CFAP44: variants seen among roughly 807,000 people sequenced by gnomAD.
CFAP44 encodes the protein cilia- and flagella-associated protein 44.
In CFAP44, 134 loss-of-function variants were observed where a neutral mutation model predicts 216.2. That is an observed-to-expected ratio of 0.62 (90% CI 0.54 to 0.72). CFAP44 has a LOEUF of 0.72. Ranked by LOEUF, CFAP44 falls within the 30% of genes least tolerant of loss-of-function variation. The pLI, the probability that CFAP44 is intolerant of heterozygous loss-of-function variation, is 0.00. For missense variants in CFAP44, 2,035 were observed against 2,182.1 expected (o/e 0.93, Z 1.34); for synonymous variants, 700 against 727.6 (o/e 0.96, Z 0.61).
rs1934113125 is a variant in CFAP44, at chr3:113,400,560, T to C, written c.1459A>G (p.Thr487Ala). ...TCCTACTTACAGTCCAAGGCAGTTG[T>C]GGCCATGAGATAAGTGAGAGGAGAA... ...AVSPLTYLMATTALDCSVRIY... is the reference protein window; with the variant it reads ...AVSPLTYLMAATALDCSVRIY... The change falls in exon 12 of 35, where the codon ACA (threonine) becomes GCA (alanine). Residue 487 changes from threonine (T) to alanine (A), a missense_variant. Thr to Ala is a moderately conservative substitution (Grantham distance 58). Around this residue, in one of 3 missense-constraint regions of CFAP44, gnomAD observed 1,883 missense variants for 2,023.7 expected, o/e 0.93. Coordinates refer to ENST00000393845, the MANE Select transcript of CFAP44 (RefSeq NM_001164496.2). 4 of 1,606,026 alleles carry C rather than the reference T, an allele frequency of 2.5e-6. No homozygotes were observed. The highest frequency in any genetic ancestry group is 3.4e-6 in the Non-Finnish European group (4 of 1,176,478).
intron 22 of CFAP44, among the ~76,000 whole-genome samples, chr3:113,346,907 TG>T: frequency 6.6e-6 from 1 of 152,294 alleles, no homozygotes; most frequent in East Asian, 1.9e-4. Context: ...GCTCACTCTT[TG>T]GGTCCACACC....
intron 30 of CFAP44, 116 bp downstream of exon 30, chr3:113,306,085 T>A (rs1311485995): frequency 1.5e-6 from 2 of 1,290,664 alleles, no homozygotes; most frequent in Non-Finnish European, 2.0e-6. Context: ...CCTTAACATT[T>A]GAAATGTTTC....
At chr3:113,376,062 G>C (rs958633049) in intron 17 of CFAP44, among the ~76,000 whole-genome samples, 1 of 152,068 alleles carries the variant, frequency 6.6e-6, no homozygotes, top group Non-Finnish European at 1.5e-5. Flanking sequence ...AATGAACATA[G>C]TACTTTTTTA....
At chr3:113,308,397 G>A (rs762638045) in intron 28 of CFAP44, 129 bp from the exon 29 acceptor site, 5 of 718,416 alleles carry the variant, frequency 7.0e-6, no homozygotes, top group Non-Finnish European at 1.1e-5. Flanking sequence ...GTTTAAAATG[G>A]TTAAGGACAC....
intron 15 of CFAP44, among the ~76,000 whole-genome samples, chr3:113,394,735 A>T (rs1346394110): frequency 2.0e-5 from 3 of 152,084 alleles, no homozygotes; most frequent in African/African-American, 7.2e-5. Flanking sequence ...AAAAAAAAAA[A>T]TTGCAAAATA....
intron 28 of CFAP44, among the ~76,000 whole-genome samples, chr3:113,325,300 C>CA (rs541100248): frequency 0.054 from 3,797 of 70,776 alleles, 88 homozygotes; most frequent in Non-Finnish European, 0.09. Context: ...GACTCCGTCT[C>CA]AAAAAAAAAA....
intron 22 of CFAP44, among the ~76,000 whole-genome samples, chr3:113,354,888 G>C (rs1437689408): frequency 6.6e-6 from 1 of 152,076 alleles, no homozygotes; most frequent in East Asian, 1.9e-4. Context: ...CACAAAACGA[G>C]CACACTAAAC....
chr3:113,432,578 T>G (rs1935133811), intron 2 of CFAP44, among the ~76,000 whole-genome samples: 1 of 152,224 alleles, frequency 6.6e-6, no homozygotes, highest in Non-Finnish European at 1.5e-5. Context: ...CTCTAGCTAC[T>G]TTTAGACAGT....
Position 113,360,626 on chromosome 3 carries a change from AAAG to A in CFAP44, c.2935-1754_2935-1752del, listed in dbSNP as rs567658223. The A allele has an allele frequency of 9.4e-4, 146 of 156,002 alleles. 1 individual carries two copies. The highest frequency in any genetic ancestry group is 1.2e-3 in the Non-Finnish European group (83 of 69,478). 9.7% of individuals were successfully genotyped at this position (156,002 alleles called of 1,614,324 possible). A position where few individuals can be genotyped will look rare whatever the true frequency, so the allele number is the denominator to read the frequency against. On this transcript the variant is annotated intron_variant, in intron 21 of 34. Transcript: ENST00000393845. The stretch of plus-strand genomic sequence containing the variant: ...TGTGGAATATGTTCCAAGTCTATGG[AAAG>A]AAGATGTTTCTCTTGCTGGAGACTT...
intron 1 of CFAP44, among the ~76,000 whole-genome samples, chr3:113,439,156 G>A (rs1024750994): frequency 4.6e-5 from 7 of 152,114 alleles, no homozygotes; most frequent in African/African-American, 1.2e-4. Context: ...AGGCTTATTC[G>A]TCCAGCCTAC....
chr3:113,306,089 A>C, intron 30 of CFAP44, 112 bp downstream of exon 30: 1 of 1,302,886 alleles, frequency 7.7e-7, no homozygotes, highest in Non-Finnish European at 1.0e-6. Context: ...AACATTTGAA[A>C]TGTTTCTTTT....
chr3:113,365,687 C>T (rs1318862554), intron 19 of CFAP44, among the ~76,000 whole-genome samples: 6 of 151,748 alleles, frequency 4.0e-5, no homozygotes, highest in Admixed American at 1.3e-4. Context: ...GCCCTTACAA[C>T]GAGTGAATGA....
rs11919134 is a variant in CFAP44 at position 113,288,678 on chromosome 3, G to A, written c.*2879C>T. On this transcript the variant is annotated 3_prime_UTR_variant, in exon 35 of 35. Transcript: ENST00000393845. ...GAAGTCTGGTGAACTTTTCTGAAGT[G>A]ATAGGTGAAACATCTGCTTTCTGCA... The A allele has an allele frequency of 0.23, 35,255 of 152,074 alleles. 4,691 individuals carry two copies. Among genetic ancestry groups the A allele is most frequent in the East Asian group, 0.48 (2,463 of 5,166 alleles). 9.4% of individuals were successfully genotyped at this position (152,074 alleles called of 1,614,324 possible). A position where few individuals can be genotyped will look rare whatever the true frequency, so the allele number is the denominator to read the frequency against.
intron 17 of CFAP44, 30 bp downstream of exon 17, chr3:113,379,276 T>C: frequency 6.9e-7 from 1 of 1,443,002 alleles, no homozygotes; most frequent in Non-Finnish European, 9.3e-7. Context: ...GAAATATGAT[T>C]GAGGTAAAAA....
intron 1 of CFAP44, 21 bp from the exon 2 acceptor site, chr3:113,433,690 T>TGA: frequency 6.4e-7 from 1 of 1,557,530 alleles, no homozygotes; most frequent in Non-Finnish European, 8.8e-7. Flanking sequence ...AAAATGGGGA[T>TGA]GAGATATGGA....
At chr3:113,321,761 T>C (rs1373059989) in intron 28 of CFAP44, among the ~76,000 whole-genome samples, 1 of 152,058 alleles carries the variant, frequency 6.6e-6, no homozygotes, top group Non-Finnish European at 1.5e-5. Context: ...ATAATCCCAC[T>C]TACAATAGTG....
At chr3:113,350,443 G>T (rs978645368) in intron 22 of CFAP44, among the ~76,000 whole-genome samples, 1 of 152,098 alleles carries the variant, frequency 6.6e-6, no homozygotes, top group Non-Finnish European at 1.5e-5. Context: ...AGACAAAGAA[G>T]CCGAAGAGAA....
At chr3:113,393,592 C>T (rs778820928) in intron 15 of CFAP44, among the ~76,000 whole-genome samples, 17 of 152,244 alleles carry the variant, frequency 1.1e-4, no homozygotes, top group Non-Finnish European at 8.8e-5. Flanking sequence ...CGCAGTGGCA[C>T]GATCTTGGCA....
At chr3:113,383,758 T>A (rs547127960) in intron 15 of CFAP44, among the ~76,000 whole-genome samples, 9 of 152,308 alleles carry the variant, frequency 5.9e-5, no homozygotes, top group East Asian at 3.9e-4. Context: ...TGACCTTTTT[T>A]AAAAAATTAT....
Sources: allele counts gnomAD v4.1 joint callset (sites outside exome capture counted in the v4.1 genomes callset), GRCh38; gene constraint gnomAD v4.1.1; regional missense constraint gnomAD v4.1.1; transcripts MANE v1.5; gene names NCBI Gene and HGNC (gene_info 2026-07-23, HGNC 2026-07-21).